GATA6: variants seen among roughly 807,000 people sequenced by gnomAD.
The protein encoded by GATA6 is transcription factor GATA-6.
In GATA6, 11 loss-of-function variants were observed where a neutral mutation model predicts 48.1. That is an observed-to-expected ratio of 0.23 (90% CI 0.14 to 0.38). The LOEUF (loss-of-function observed/expected upper bound fraction) is 0.38, where lower values mean the gene tolerates loss of function less well. Among genes scored for constraint, GATA6 ranks in the 10% least tolerant of loss-of-function variants. The pLI, the probability that GATA6 is intolerant of heterozygous loss-of-function variation, is 1.00. For synonymous variants in GATA6, 419 were observed against 396.1 expected (o/e 1.06, Z -0.69); for missense variants, 795 against 850.3 (o/e 0.93, Z 0.81).
chr18:22,192,424 A>C (rs2033338404), intron 6 of GATA6, among the ~76,000 whole-genome samples: 1 of 152,164 alleles, frequency 6.6e-6, no homozygotes, highest in Non-Finnish European at 1.5e-5. Context: ...CACTTTCTTA[A>C]TGGGGAAATT....
At position 22,170,872 on chromosome 18, in the gene GATA6, G is replaced by A. The variant is rs886180488; in HGVS notation, c.-37-236G>A. The A allele has an allele frequency of 1.7e-5, 9 of 539,588 alleles. No individual in the cohort carries two copies. The allele number at this position is 539,588 out of a possible 1,614,324, so 33.4% of individuals were successfully genotyped here. A position where few individuals can be genotyped will look rare whatever the true frequency, so the allele number is the denominator to read the frequency against. On this transcript the variant is annotated intron_variant, in intron 1 of 6. Transcript: ENST00000269216. The surrounding 1 kb of genome is among the most constrained non-coding windows in gnomAD (Gnocchi z 6.7). ...ACCGGAGCGGTGCCTTTGAGGGAGG[G>A]CTGGTATCCCAGCCCTTCCAGGGCC... is the stretch of plus-strand genomic sequence containing the variant.
At position 22,190,500 on chromosome 18, in the gene GATA6, G is replaced by C. The variant is rs141691893; in HGVS notation, c.1620+7457G>C. Among the ~76,000 whole-genome samples, 106 of 151,978 alleles carry C rather than the reference G, an allele frequency of 7.0e-4. 2 individuals carry two copies. In the South Asian group the frequency reaches 0.016, roughly 23 times the overall value. Reference sequence around the variant, plus strand: ...AAAAAGCATTTCTTAATAGTGAAGTGCCTGTTTTTTTTTTCAGTCTATCGT... The same window carrying C: ...AAAAAGCATTTCTTAATAGTGAAGTCCCTGTTTTTTTTTTCAGTCTATCGT... On this transcript the variant is annotated intron_variant, in intron 6 of 6. Transcript: ENST00000269216.
chr18:22,196,096 G>T (rs1231665066), intron 6 of GATA6, among the ~76,000 whole-genome samples: 1 of 152,210 alleles, frequency 6.6e-6, no homozygotes, highest in African/African-American at 2.4e-5. Flanking sequence ...GTGTTACCAT[G>T]TAAGTAACAT....
In GATA6 at chr18:22,170,553, A is replaced by G. The variant is rs531399236; in HGVS notation, c.-37-555A>G. 7.9e-5 allele frequency among the ~76,000 whole-genome samples: 12 copies of G among 152,202 alleles called. No homozygotes were observed. The highest frequency in any genetic ancestry group is 1.5e-4 in the Non-Finnish European group (10 of 68,032). On this transcript the variant is annotated intron_variant, in intron 1 of 6. Transcript: ENST00000269216. The surrounding 1 kb of genome is among the most constrained non-coding windows in gnomAD (Gnocchi z 6.7). ...TCCGGGAAGCTCTGGGAGAGCCAAT[A>G]TAGGAGAACGCGGCGGTTTCGTTTT...
rs1438691785 is a variant in GATA6, at chr18:22,200,715, C to T, written c.1680C>T (p.Leu560=). The T allele has an allele frequency of 6.2e-7, 1 of 1,614,220 alleles. No homozygotes were observed. The highest frequency in any genetic ancestry group is 8.5e-7 in the Non-Finnish European group (1 of 1,180,048). The change falls in exon 7 of 7, where the codon CTC becomes CTT. Residue 560 remains leucine, a synonymous_variant. Coordinates refer to ENST00000269216, the MANE Select transcript of GATA6 (RefSeq NM_005257.6). ...GESTNPENSE[L]KYSGQDGLYI... ...GCACCAATCCCGAGAACAGCGAGCT[C>T]AAGTATTCGGGTCAAGATGGGCTCT...
chr18:22,184,733 A>C (rs1395735427), intron 6 of GATA6, among the ~76,000 whole-genome samples: 2 of 152,006 alleles, frequency 1.3e-5, no homozygotes, highest in Non-Finnish European at 2.9e-5. Context: ...TCCTGTCCTC[A>C]AGTGATCCAC....
rs1276069180 is a variant in GATA6 at position 22,202,385 on chromosome 18, G to A, written c.*1562G>A. 1 of 152,128 alleles carries A rather than the reference G, an allele frequency of 6.6e-6. No individual in the cohort carries two copies. The highest frequency in any genetic ancestry group is 2.4e-5 in the African/African-American group (1 of 41,406). 9.4% of individuals were successfully genotyped at this position (152,128 alleles called of 1,614,324 possible). A position where few individuals can be genotyped will look rare whatever the true frequency, so the allele number is the denominator to read the frequency against. On this transcript the variant is annotated 3_prime_UTR_variant, in exon 7 of 7. Coordinates refer to ENST00000269216, the MANE Select transcript of GATA6 (RefSeq NM_005257.6). Reference sequence around the variant, plus strand: ...TTGCAACGTGCCTTGAAGTCTCAAAGCTCACCTGAGGTTGCAGACGTTACC... The same window carrying A: ...TTGCAACGTGCCTTGAAGTCTCAAAACTCACCTGAGGTTGCAGACGTTACC...
chr18:22,171,197 G>A lies in GATA6; in HGVS notation c.53G>A (p.Gly18Asp), dbSNP rs752348718. 2.5e-6 allele frequency: 4 copies of A among 1,599,792 alleles called. No individual in the cohort carries two copies. In the South Asian group the frequency reaches 4.4e-5, roughly 18 times the overall value. ...TTGCCGAAGCGCTTCGGGGCCGCGG[G>A]TGCGGACGCCAGCGACTCCAGAGCC... ...WCLPKRFGAA[G>D]ADASDSRAFP... Residue 18 changes from glycine to aspartate, a missense_variant, in exon 2 of 7, where the codon GGT (glycine) becomes GAT (aspartate). Gly to Asp is a moderately conservative substitution (Grantham distance 94). Transcript: ENST00000269216. This position sits in a 1 kb window ranked among gnomAD's most constrained non-coding sequence, Gnocchi z 7.1.
chr18:22,193,922 G>T (rs930305945), intron 6 of GATA6, among the ~76,000 whole-genome samples: 30 of 152,164 alleles, frequency 2.0e-4, no homozygotes, highest in African/African-American at 6.5e-4. Context: ...CTTCCCATCA[G>T]AAGCTGTCTC....
chr18:22,194,365 C>T (rs2033364652), intron 6 of GATA6, among the ~76,000 whole-genome samples: 1 of 152,186 alleles, frequency 6.6e-6, no homozygotes, highest in Non-Finnish European at 1.5e-5. Context: ...TGAATGGAAA[C>T]ACAGAGCCGA....
chr18:22,193,535 G>T (rs2033352332), intron 6 of GATA6, among the ~76,000 whole-genome samples: 1 of 152,162 alleles, frequency 6.6e-6, no homozygotes, highest in African/African-American at 2.4e-5. Flanking sequence ...AGTGAGGGAC[G>T]GCTGGCTTCC....
At position 22,181,437 on chromosome 18, in the gene GATA6, CT is replaced by C. The variant is rs752580642; in HGVS notation, c.1303-14del. On this transcript the variant is annotated splice_polypyrimidine_tract_variant and intron_variant, in intron 3 of 6. Transcript: ENST00000269216. ...TCACTTATATTTTTCCACTTATGTT[CT>C]TGTACTGTTTCTAGCCTTCATCACG... is the stretch of plus-strand genomic sequence containing the variant. The C allele has an allele frequency of 6.2e-7, 1 of 1,613,818 alleles. No homozygotes were observed.
Position 22,190,972 on chromosome 18 carries a change from A to C in GATA6, c.1620+7929A>C, listed in dbSNP as rs139886603. Among the ~76,000 whole-genome samples the C allele has an allele frequency of 1.7e-4, 25 of 149,138 alleles. 1 individual carries two copies. In the East Asian group the frequency reaches 4.7e-3, roughly 28 times the overall value. ...GGAATGTTCAAGCATGCGGATTTGC[A>C]TACTTTCATTCTGATCTCAAGGCTT... On this transcript the variant is annotated intron_variant, in intron 6 of 6. Coordinates refer to ENST00000269216, the MANE Select transcript of GATA6 (RefSeq NM_005257.6).
At chr18:22,174,948 G>A (rs995566632) in intron 2 of GATA6, among the ~76,000 whole-genome samples, 3 of 151,928 alleles carry the variant, frequency 2.0e-5, no homozygotes, top group Middle Eastern at 3.2e-3. Flanking sequence ...CCTCCTAAGC[G>A]CCTGCAGAAC....
rs1157617441 is a variant in GATA6 at position 22,171,116 on chromosome 18, C to A, written c.-29C>A. On this transcript the variant is annotated 5_prime_UTR_variant, in exon 2 of 7. Coordinates refer to ENST00000269216, the MANE Select transcript of GATA6 (RefSeq NM_005257.6). The surrounding 1 kb of genome is among the most constrained non-coding windows in gnomAD (Gnocchi z 7.1). ...CCCCCACCCCACCTCAGGAGCTAGA[C>A]GTCAGCTTGGAGCGGCGCCGGACCG... The A allele has an allele frequency of 1.0e-5, 16 of 1,591,338 alleles. No homozygotes were observed. Among genetic ancestry groups the A allele is most frequent in the Non-Finnish European group, 1.4e-5 (16 of 1,173,014 alleles).
chr18:22,189,620 T>G (rs2033304085), intron 6 of GATA6, among the ~76,000 whole-genome samples: 1 of 152,176 alleles, frequency 6.6e-6, no homozygotes, highest in Non-Finnish European at 1.5e-5. Context: ...GAAGGCGAGC[T>G]CTGATGCAAG....
In GATA6 at chr18:22,172,174, C is replaced by G; in HGVS notation, c.1030C>G (p.Pro344Ala). The G allele has an allele frequency of 6.5e-7, 1 of 1,533,264 alleles. No individual in the cohort carries two copies. The highest frequency in any genetic ancestry group is 8.7e-7 in the Non-Finnish European group (1 of 1,145,582). 95.0% of individuals were successfully genotyped at this position (1,533,264 alleles called of 1,614,324 possible). A position where few individuals can be genotyped will look rare whatever the true frequency, so the allele number is the denominator to read the frequency against. The change falls in exon 2 of 7, where the codon CCA becomes GCA. Residue 344 changes from proline (P) to alanine (A), a missense_variant. Pro to Ala is a conservative substitution (Grantham distance 27, BLOSUM62 -1). This residue lies in a region of GATA6 where 591 missense variants were observed against 570.0 expected (regional missense o/e 1.04). Transcript: ENST00000269216. This position sits in a 1 kb window ranked among gnomAD's most constrained non-coding sequence, Gnocchi z 5.2. ...CCCCTACTCGCCCTACGTGGGGGCG[C>G]CACTGACGCCTGCCTGGCCCGCCGG... ...PSPYSPYVGA[P>A]LTPAWPAGPF...
chr18:22,190,049 T>C (rs2033308781), intron 6 of GATA6, among the ~76,000 whole-genome samples: 1 of 152,206 alleles, frequency 6.6e-6, no homozygotes, highest in Non-Finnish European at 1.5e-5. Context: ...TTCTTTGAAA[T>C]CTTCAGAGAG....
At chr18:22,189,258 A>C (rs566955719) in intron 6 of GATA6, among the ~76,000 whole-genome samples, 18 of 152,346 alleles carry the variant, frequency 1.2e-4, no homozygotes, top group African/African-American at 3.8e-4. Flanking sequence ...GACTGACTCA[A>C]GTTAAGATTA....
Sources: allele counts gnomAD v4.1 joint callset (sites outside exome capture counted in the v4.1 genomes callset), GRCh38; gene constraint gnomAD v4.1.1; regional missense constraint gnomAD v4.1.1; non-coding constraint Gnocchi (gnomAD v3.1); transcripts MANE v1.5; gene names NCBI Gene and HGNC (gene_info 2026-07-23, HGNC 2026-07-21).